The following RARB variants were observed in gnomAD, a reference collection of about 807,000 sequenced individuals.
RARB encodes retinoic acid receptor beta.
Under a neutral mutation model 51.9 loss-of-function variants are expected in RARB, and 17 were observed. The observed-to-expected ratio is 0.33, with a 90% CI of 0.22 to 0.49. RARB has a LOEUF of 0.49. RARB is among the 20% of genes least tolerant of loss of function. The pLI, the probability that RARB is intolerant of heterozygous loss-of-function variation, is 0.99. For missense variants in RARB, 369 were observed against 550.8 expected, an observed-to-expected ratio of 0.67 and a Z score of 3.30; for synonymous variants, 215 against 195.4, an observed-to-expected ratio of 1.10 and a Z score of -0.84.
At chr3:25,030,735 T>C (rs921657885) in intron 2 of RARB, among the ~76,000 whole-genome samples, 1 of 152,206 alleles carries the variant, frequency 6.6e-6, no homozygotes, top group African/African-American at 2.4e-5. Flanking sequence ...GCTGAAGATC[T>C]GGCTTTTACT....
intron 2 of RARB, among the ~76,000 whole-genome samples, chr3:24,971,154 G>A (rs1696389686): frequency 6.6e-6 from 1 of 151,904 alleles, no homozygotes; most frequent in African/African-American, 2.4e-5. Context: ...ATCTATTGAA[G>A]GGTTATAATG....
At chr3:25,193,983 A>G (rs1701166435) in intron 5 of RARB, among the ~76,000 whole-genome samples, 1 of 151,990 alleles carries the variant, frequency 6.6e-6, no homozygotes, top group Admixed American at 6.6e-5. Context: ...ACTATTCACA[A>G]TAGCCAAGAT....
intron 1 of RARB, among the ~76,000 whole-genome samples, chr3:25,439,133 A>G (rs978022277): frequency 1.3e-5 from 2 of 152,306 alleles, no homozygotes; most frequent in African/African-American, 4.8e-5. Context: ...GATGGGTGCT[A>G]AGTGTTTGTG....
intron 5 of RARB, among the ~76,000 whole-genome samples, chr3:25,183,803 C>G (rs1559496220): frequency 6.6e-6 from 1 of 152,138 alleles, no homozygotes; most frequent in Non-Finnish European, 1.5e-5. Flanking sequence ...CTGTCCATCC[C>G]TAGCATCTCT....
At chr3:25,144,520 C>T (rs1447381241) in intron 4 of RARB, among the ~76,000 whole-genome samples, 1 of 152,150 alleles carries the variant, frequency 6.6e-6, no homozygotes, top group East Asian at 1.9e-4. Context: ...TATAATACAA[C>T]ATTTAAAAAG....
chr3:24,905,998 C>G (rs1199971305), intron 2 of RARB, among the ~76,000 whole-genome samples: 3 of 152,156 alleles, frequency 2.0e-5, no homozygotes, highest in Non-Finnish European at 4.4e-5. Context: ...CTGTTATGCA[C>G]AAGGCATAGG....
chr3:25,423,798 G>T (rs536275967), upstream of RARB, among the ~76,000 whole-genome samples: 1 of 152,266 alleles, frequency 6.6e-6, no homozygotes, highest in East Asian at 1.9e-4. Flanking sequence ...CCAAAGATAG[G>T]TCTCCCCAAA....
At chr3:25,048,250 A>G (rs1698256329) in intron 2 of RARB, among the ~76,000 whole-genome samples, 1 of 152,148 alleles carries the variant, frequency 6.6e-6, no homozygotes, top group Non-Finnish European at 1.5e-5. Flanking sequence ...AGTGAAAAGC[A>G]CTGGATTGAA....
chr3:25,285,308 C>A (rs988597495), intron 5 of RARB, among the ~76,000 whole-genome samples: 25 of 152,138 alleles, frequency 1.6e-4, no homozygotes, highest in African/African-American at 6.0e-4. Flanking sequence ...AAAGGCTTTC[C>A]AGTCAAAAGT....
chr3:25,276,594 G>A (rs1191998903), intron 5 of RARB, among the ~76,000 whole-genome samples: 1 of 152,210 alleles, frequency 6.6e-6, no homozygotes, highest in Non-Finnish European at 1.5e-5. Flanking sequence ...ACTGTGACTT[G>A]TAAAAGTTTT....
chr3:24,891,595 C>T (rs4270472), intron 2 of RARB, among the ~76,000 whole-genome samples: 111,036 of 152,120 alleles, frequency 0.73, 41,575 homozygotes, highest in African/African-American at 0.88. Flanking sequence ...TAATATTCAT[C>T]TGCCTTTTCA....
chr3:24,881,938 C>G (rs1162898659), intron 2 of RARB, among the ~76,000 whole-genome samples: 3 of 151,980 alleles, frequency 2.0e-5, no homozygotes, highest in African/African-American at 7.3e-5. Context: ...CAATTTTTAG[C>G]TCTTGGGAAA....
intron 5 of RARB, among the ~76,000 whole-genome samples, chr3:25,190,461 G>T (rs1437209284): frequency 6.6e-6 from 1 of 151,992 alleles, no homozygotes; most frequent in African/African-American, 2.4e-5. Context: ...TCTTACTGTG[G>T]GTCTTGCATT....
At chr3:24,950,168 G>T (rs1695858427) in intron 2 of RARB, among the ~76,000 whole-genome samples, 1 of 152,112 alleles carries the variant, frequency 6.6e-6, no homozygotes, top group South Asian at 2.1e-4. Flanking sequence ...TTTTCATTCT[G>T]TGTTTTCTTC....
intron 5 of RARB, among the ~76,000 whole-genome samples, chr3:25,338,691 G>T (rs1180805079): frequency 6.6e-6 from 1 of 152,180 alleles, no homozygotes; most frequent in African/African-American, 2.4e-5. Context: ...TTCTTCATAA[G>T]AGTTTAAGTC....
chr3:24,981,400 G>A (rs1696668538), intron 2 of RARB, among the ~76,000 whole-genome samples: 1 of 152,170 alleles, frequency 6.6e-6, no homozygotes, highest in African/African-American at 2.4e-5. Context: ...GAGGCAGTAG[G>A]CCTTGTTGAG....
At chr3:25,202,106 T>A (rs955843251) in intron 5 of RARB, among the ~76,000 whole-genome samples, 5 of 152,206 alleles carry the variant, frequency 3.3e-5, no homozygotes, top group African/African-American at 1.2e-4. Context: ...TTGCCTTAAT[T>A]TCAGATCCTG....
chr3:25,210,146 G>A (rs758062732), intron 5 of RARB, among the ~76,000 whole-genome samples: 10 of 152,110 alleles, frequency 6.6e-5, no homozygotes, highest in Admixed American at 3.9e-4. Context: ...AATAATAGAA[G>A]TAGATACTAG....
intron 4 of RARB, among the ~76,000 whole-genome samples, chr3:25,154,614 A>G (rs777434354): frequency 6.6e-6 from 1 of 152,198 alleles, no homozygotes; most frequent in Non-Finnish European, 1.5e-5. Context: ...CCAATGACTC[A>G]CCAGTGGGTA....
Sources: gnomAD v4.1 joint callset for allele counts (sites outside exome capture counted in the v4.1 genomes callset) on GRCh38, gnomAD v4.1.1 for gene constraint, MANE v1.5 for transcripts, NCBI Gene and HGNC (gene_info 2026-07-23, HGNC 2026-07-21) for gene names.